The following ZMAT3 variants were observed in gnomAD, a reference collection of about 807,000 sequenced individuals.
ZMAT3 encodes the protein zinc finger matrin-type 3.
A neutral mutation model predicts 32.3 loss-of-function variants in ZMAT3; 17 were observed. The observed-to-expected ratio is 0.53, with a 90% CI of 0.36 to 0.79. ZMAT3 has a LOEUF of 0.79. ZMAT3 is among the 30% of genes least tolerant of loss of function. The pLI, the probability that ZMAT3 is intolerant of heterozygous loss-of-function variation, is 0.00. For synonymous variants in ZMAT3, 120 were observed against 133.1 expected (o/e 0.90, Z 0.68); for missense variants, 329 against 359.7 (o/e 0.91, Z 0.69).
chr3:179,069,917 T>C (rs1721624081), intron 1 of ZMAT3, among the ~76,000 whole-genome samples: 1 of 152,194 alleles, frequency 6.6e-6, no homozygotes. Context: ...TCTGTAATGG[T>C]ATTATTTCTC....
intron 2 of ZMAT3, among the ~76,000 whole-genome samples, chr3:179,058,990 G>A (rs981471975): frequency 2.0e-5 from 3 of 152,094 alleles, no homozygotes; most frequent in African/African-American, 7.2e-5. Flanking sequence ...GCAATATGCA[G>A]AGAAAGGGAA....
At chr3:179,049,296 A>C (rs1011204909) in intron 2 of ZMAT3, among the ~76,000 whole-genome samples, 21 of 152,180 alleles carry the variant, frequency 1.4e-4, no homozygotes. Context: ...GAAACAATAA[A>C]CTATACGTTA....
At chr3:179,036,457 T>A (rs924511065) in intron 2 of ZMAT3, among the ~76,000 whole-genome samples, 6 of 151,950 alleles carry the variant, frequency 3.9e-5, no homozygotes, top group African/African-American at 1.2e-4. Context: ...TGGAGACAGA[T>A]AACAGCTTGC....
intron 2 of ZMAT3, 56 bp downstream of exon 2, chr3:179,067,427 C>T: frequency 6.3e-7 from 1 of 1,578,554 alleles, no homozygotes; most frequent in Non-Finnish European, 8.7e-7. Context: ...TGCTAAATAG[C>T]CAGAGCCCTG....
chr3:179,049,906 G>A (rs1720453769), intron 2 of ZMAT3, among the ~76,000 whole-genome samples: 2 of 141,746 alleles, frequency 1.4e-5, no homozygotes, highest in Non-Finnish European at 3.0e-5. Flanking sequence ...GCAGGAGAAT[G>A]GCATGAACCT....
chr3:179,070,152 C>T (rs1560101964), intron 1 of ZMAT3, among the ~76,000 whole-genome samples: 1 of 152,014 alleles, frequency 6.6e-6, no homozygotes, highest in Non-Finnish European at 1.5e-5. Context: ...AGGAAATCAG[C>T]AATATAAACA....
chr3:179,033,545 T>A (rs934403708), intron 2 of ZMAT3, among the ~76,000 whole-genome samples: 5 of 76,340 alleles, frequency 6.5e-5, no homozygotes, highest in South Asian at 4.9e-4. Context: ...GAAAAGAATA[T>A]GGGATTTTAG....
chr3:179,040,592 T>TAGAA (rs57350897), intron 2 of ZMAT3, among the ~76,000 whole-genome samples: 90,054 of 151,416 alleles, frequency 0.59, 26,891 homozygotes, highest in East Asian at 0.8. Flanking sequence ...GCACTAAACA[T>TAGAA]AGAAACAACC....
At chr3:179,070,049 T>C (rs949444173) in intron 1 of ZMAT3, among the ~76,000 whole-genome samples, 2 of 152,030 alleles carry the variant, frequency 1.3e-5, no homozygotes, top group African/African-American at 4.8e-5. Flanking sequence ...TAATAATTCA[T>C]AATGTTGAAA....
intron 2 of ZMAT3, among the ~76,000 whole-genome samples, chr3:179,057,871 G>A (rs527574423): frequency 1.7e-4 from 26 of 152,318 alleles, no homozygotes; most frequent in African/African-American, 6.3e-4. Flanking sequence ...AACTCAGAAA[G>A]CCAATACCCA....
chr3:179,049,391 T>G (rs941203142), intron 2 of ZMAT3, among the ~76,000 whole-genome samples: 1 of 152,190 alleles, frequency 6.6e-6, no homozygotes, highest in Non-Finnish European at 1.5e-5. Context: ...ACATGGAACA[T>G]TCTTCAAGGT....
Position 179,061,583 on chromosome 3 carries a change from G to A in ZMAT3, c.270+5900C>T, listed in dbSNP as rs188944149. ...GAAAGGCTTAAGATTCTTCTCTCTAGTTTTTTTTTTAAGTACCAGAAACTC... is the reference window on the plus strand; with the variant it reads ...GAAAGGCTTAAGATTCTTCTCTCTAATTTTTTTTTTAAGTACCAGAAACTC... On this transcript the variant is annotated intron_variant, in intron 2 of 5. Transcript: ENST00000311417. 2.6e-4 allele frequency among the ~76,000 whole-genome samples: 39 copies of A among 149,026 alleles called. 1 individual carries two copies. The highest frequency in any genetic ancestry group is 9.3e-4 in the African/African-American group (38 of 40,784).
At chr3:179,058,959 C>T (rs1227923950) in intron 2 of ZMAT3, among the ~76,000 whole-genome samples, 1 of 152,044 alleles carries the variant, frequency 6.6e-6, no homozygotes, top group South Asian at 2.1e-4. Flanking sequence ...GTATACCTAC[C>T]TAGTCCTCCA....
chr3:179,051,899 A>G (rs368161272), intron 2 of ZMAT3, among the ~76,000 whole-genome samples: 32 of 152,336 alleles, frequency 2.1e-4, no homozygotes, highest in African/African-American at 7.0e-4. Context: ...CTGATCTTCA[A>G]CAAAACAAAC....
chr3:179,055,089 G>A (rs561061644), intron 2 of ZMAT3, among the ~76,000 whole-genome samples: 65 of 152,234 alleles, frequency 4.3e-4, no homozygotes, highest in East Asian at 3.5e-3. Flanking sequence ...TGGGAGCAAG[G>A]ACCCCCCAGT....
At position 179,071,757 on chromosome 3, in the gene ZMAT3, TGTCAAAAGTCA is replaced by T. The variant is rs1230066387; in HGVS notation, c.-231_-221del. On this transcript the variant is annotated 5_prime_UTR_variant, in exon 1 of 6. Coordinates refer to ENST00000311417, the MANE Select transcript of ZMAT3 (RefSeq NM_022470.4). ...GCCCCCTCCGCAGCCGAAGGCTGAC[TGTCAAAAGTCA>T]GTCCAACCCGACCCACAGGGAAACA... 6.5e-6 allele frequency: 1 copy of T among 152,840 alleles called. No homozygotes were observed. Among genetic ancestry groups the T allele is most frequent in the South Asian group, 2.1e-4 (1 of 4,846 alleles). The allele number at this position is 152,840 out of a possible 1,614,324, so 9.5% of individuals were successfully genotyped here. A position where few individuals can be genotyped will look rare whatever the true frequency, so the allele number is the denominator to read the frequency against.
intron 2 of ZMAT3, among the ~76,000 whole-genome samples, chr3:179,034,056 G>A (rs1325364993): frequency 2.0e-5 from 3 of 152,168 alleles, no homozygotes; most frequent in African/African-American, 7.2e-5. Context: ...ACACAAACTA[G>A]TGGCAAGGGT....
In ZMAT3 at chr3:179,028,163, C is replaced by A. The variant is rs999604744; in HGVS notation, c.391-351G>T. ...CGGGAAACAGTAAAGTCTGCAGAAT[C>A]CATCGATAAGCATTTAGTGACTGTT... On this transcript the variant is annotated intron_variant, in intron 3 of 5. Transcript: ENST00000311417. 4.6e-5 allele frequency among the ~76,000 whole-genome samples: 7 copies of A among 152,284 alleles called. No homozygotes were observed. The South Asian group carries it at 8.3e-4, about 18-fold the overall frequency.
Position 179,067,712 on chromosome 3 carries a change from T to C in ZMAT3, c.41A>G (p.Gln14Arg). The C allele has an allele frequency of 1.2e-6, 2 of 1,614,124 alleles. No individual in the cohort carries two copies. The highest frequency in any genetic ancestry group is 8.5e-7 in the Non-Finnish European group (1 of 1,180,010). ...LQHAVLPPPKQPSPSPPMSVA... is the reference protein window; with the variant it reads ...LQHAVLPPPKRPSPSPPMSVA... ...TGACATAGGAGGCGAGGGTGAGGGC[T>C]GCTTAGGTGGAGGAAGCACGGCGTG... is the stretch of plus-strand genomic sequence containing the variant. Residue 14 changes from glutamine (Q) to arginine (R), a missense_variant, in exon 2 of 6, where the codon CAG (glutamine) becomes CGG (arginine). Gln to Arg is a conservative substitution (Grantham distance 43, BLOSUM62 1). Transcript: ENST00000311417.
Sources: allele counts gnomAD v4.1 joint callset (sites outside exome capture counted in the v4.1 genomes callset), GRCh38; gene constraint gnomAD v4.1.1; transcripts MANE v1.5; gene names NCBI Gene and HGNC (gene_info 2026-07-23, HGNC 2026-07-21).